BRPF3: variants seen among roughly 807,000 people sequenced by gnomAD.
BRPF3 encodes the protein bromodomain and PHD finger-containing protein 3.
In BRPF3, 18 loss-of-function variants were observed where a neutral mutation model predicts 102.0. The observed-to-expected ratio is 0.18, with a 90% confidence interval of 0.12 to 0.26. The LOEUF (loss-of-function observed/expected upper bound fraction) is 0.26. BRPF3 is among the 10% of genes least tolerant of loss of function. The probability of loss-of-function intolerance (pLI) is 1.00; values close to 1 mark genes in which losing one functional copy is unlikely to be tolerated. For synonymous variants in BRPF3, 570 were observed against 614.2 expected, an observed-to-expected ratio of 0.93 and a Z score of 1.06; for missense variants, 1,147 against 1,567.8, an observed-to-expected ratio of 0.73 and a Z score of 4.53.
At chr6:36,206,302 G>T (rs1003613746) in intron 3 of BRPF3, among the ~76,000 whole-genome samples, 3 of 152,184 alleles carry the variant, frequency 2.0e-5, no homozygotes, top group Non-Finnish European at 4.4e-5. Flanking sequence ...GTGGGGATCT[G>T]TCCTTTGGGG....
rs1554127058 is a variant in BRPF3 at position 36,196,813 on chromosome 6, C to G, written c.-184C>G. 2.0e-5 allele frequency: 3 copies of G among 151,878 alleles called. No homozygotes were observed. Among genetic ancestry groups the G allele is most frequent in the Non-Finnish European group, 4.4e-5 (3 of 68,408 alleles). 9.4% of individuals were successfully genotyped at this position (151,878 alleles called of 1,614,324 possible). ...CCGGGAGCGGCGGCGGCGGCCGGGC[C>G]GGGGCCCCAGCGCGGGCCGGGAGGG... is the stretch of plus-strand genomic sequence containing the variant. On this transcript the variant is annotated 5_prime_UTR_variant, in exon 1 of 13. Transcript: ENST00000357641.
At chr6:36,211,737 A>G (rs1468858743) in intron 7 of BRPF3, among the ~76,000 whole-genome samples, 177 bp downstream of exon 7, 1 of 152,224 alleles carries the variant, frequency 6.6e-6, no homozygotes. Context: ...CAAAATATTT[A>G]ACAATCACTA....
chr6:36,214,139 C>G lies in BRPF3; in HGVS notation c.2742C>G (p.Thr914=), dbSNP rs371575181. 86 of 1,614,090 alleles carry G rather than the reference C, an allele frequency of 5.3e-5. No homozygotes were observed. Among genetic ancestry groups the G allele is most frequent in the Non-Finnish European group, 3.1e-5 (37 of 1,180,050 alleles). ...GACTATCCCTCATGGCCCCTGACAC[C>G]CCGGCCGGTACCCCACTTAGTGGTG... ...INRLSLMAPD[T]PAGTPLSGVG... Residue 914 remains threonine (T), a synonymous_variant, in exon 8 of 13, where the codon ACC becomes ACG. Transcript: ENST00000357641.
In BRPF3 at chr6:36,214,371, C is replaced by G; in HGVS notation, c.2974C>G (p.Gln992Glu). 1 of 1,583,810 alleles carries G rather than the reference C, an allele frequency of 6.3e-7. No individual in the cohort carries two copies. Among genetic ancestry groups the G allele is most frequent in the Admixed American group, 1.8e-5 (1 of 56,292 alleles). Residue 992 changes from glutamine (Q) to glutamate (E), a missense_variant, in exon 8 of 13, where the codon CAG becomes GAG. Physicochemically the swap from Gln to Glu is conservative, Grantham distance 29. Transcript: ENST00000357641. ...GAGCGAAGGGGAGAGGTCCCCCCAG[C>G]AGGAGGAAGAGACAGGTGACCCTGC... ...SESEGERSPQ[Q>E]EEETGMTNGF...
chr6:36,204,223 G>T (rs1486525200), intron 2 of BRPF3, among the ~76,000 whole-genome samples: 1 of 152,156 alleles, frequency 6.6e-6, no homozygotes, highest in Non-Finnish European at 1.5e-5. Flanking sequence ...GCTACCCCCT[G>T]GTTTGATGGG....
rs899606488 is a variant in BRPF3 at position 36,196,838 on chromosome 6, G to C, written c.-159G>C. 4.6e-5 allele frequency: 7 copies of C among 151,746 alleles called. No homozygotes were observed. The East Asian group carries it at 1.4e-3, about 30-fold the overall frequency. The allele number at this position is 151,746 out of a possible 1,614,324, so 9.4% of individuals were successfully genotyped here. A position where few individuals can be genotyped will look rare whatever the true frequency, so the allele number is the denominator to read the frequency against. Reference sequence around the variant, plus strand: ...CGGGGCCCCAGCGCGGGCCGGGAGGGGGCACGGCGGAGGCCACGGAGGCAG... The same window carrying C: ...CGGGGCCCCAGCGCGGGCCGGGAGGCGGCACGGCGGAGGCCACGGAGGCAG... On this transcript the variant is annotated 5_prime_UTR_variant, in exon 1 of 13. Coordinates refer to ENST00000357641, the MANE Select transcript of BRPF3 (RefSeq NM_015695.3).
intron 9 of BRPF3, 44 bp from the exon 10 acceptor site, chr6:36,222,124 T>C (rs1464012088): frequency 2.6e-6 from 4 of 1,534,506 alleles, no homozygotes; most frequent in African/African-American, 1.4e-5. Flanking sequence ...GTTTTAGTCA[T>C]TGAAATTGCT....
At chr6:36,220,994 T>G (rs1025947901) in intron 9 of BRPF3, among the ~76,000 whole-genome samples, 3 of 152,226 alleles carry the variant, frequency 2.0e-5, no homozygotes, top group African/African-American at 7.2e-5. Flanking sequence ...ATTGATGACC[T>G]ATTCTTTAAG....
rs1442029620 is a variant in BRPF3, at chr6:36,211,347, G to A, written c.2269G>A (p.Ala757Thr). 3.7e-6 allele frequency: 6 copies of A among 1,614,238 alleles called. No homozygotes were observed. The highest frequency in any genetic ancestry group is 4.5e-5 in the East Asian group (2 of 44,890). Residue 757 changes from alanine (A) to threonine (T), a missense_variant, in exon 7 of 13, where the codon GCC (alanine) becomes ACC (threonine). Transcript: ENST00000357641. ...GCTGGAGAAACTGGACCTGGTGAGC[G>A]CCATGCGGTCCAGTGGGGCCCGCAC... ...ELLEKLDLVS[A>T]MRSSGARTRR...
rs1201636262 is a variant in BRPF3 at position 36,204,740 on chromosome 6, C to T, written c.1531C>T (p.Arg511Trp). ...QRLHNYWLLK[R>W]QARNGVPLIR... ...GCTTCACAATTATTGGCTGTTGAAG[C>T]GGCAGGCACGGAATGGTGTCCCTCT... Residue 511 changes from arginine (R) to tryptophan (W), a missense_variant, in exon 3 of 13, where the codon CGG becomes TGG. Transcript: ENST00000357641. 6.2e-7 allele frequency: 1 copy of T among 1,614,068 alleles called. No homozygotes were observed. The highest frequency in any genetic ancestry group is 1.3e-5 in the African/African-American group (1 of 74,930).
chr6:36,226,274 G>A (rs753034781), intron 11 of BRPF3, among the ~76,000 whole-genome samples: 1 of 152,164 alleles, frequency 6.6e-6, no homozygotes, highest in Non-Finnish European at 1.5e-5. Context: ...GTTCATTTTG[G>A]TTTATACTCA....
At position 36,217,894 on chromosome 6, in the gene BRPF3, C is replaced by T. The variant is rs368912733; in HGVS notation, c.2990-23C>T. 2.7e-5 allele frequency: 43 copies of T among 1,608,364 alleles called. No homozygotes were observed. The African/African-American group carries it at 3.5e-4, about 13-fold the overall frequency. On this transcript the variant is annotated intron_variant, in intron 8 of 12. Transcript: ENST00000357641. ...GGGAAGGGGGATTTCTGCACTCAGA[C>T]TCACTGTGTGTGTCCTTGGCAGGCA...
chr6:36,211,712 C>T (rs1015665106), intron 7 of BRPF3, 152 bp downstream of exon 7: 9 of 852,808 alleles, frequency 1.1e-5, no homozygotes, highest in African/African-American at 5.1e-5. Context: ...TCCATGTATA[C>T]GCAGGGATGA....
Position 36,207,584 on chromosome 6 carries a change from G to A in BRPF3, c.1737+140G>A, listed in dbSNP as rs991916978. On this transcript the variant is annotated intron_variant, in intron 4 of 12. Coordinates refer to ENST00000357641, the MANE Select transcript of BRPF3 (RefSeq NM_015695.3). ...CCCTACCCAGGATTGTAGGCTCCAA[G>A]ATCTGCCTACTTTGTATTAGATGTG... 2.5e-6 allele frequency: 3 copies of A among 1,188,846 alleles called. No homozygotes were observed. In the African/African-American group the frequency reaches 4.7e-5, roughly 18 times the overall value. 73.6% of individuals were successfully genotyped at this position (1,188,846 alleles called of 1,614,324 possible). A position where few individuals can be genotyped will look rare whatever the true frequency, so the allele number is the denominator to read the frequency against.
In BRPF3 at chr6:36,230,604, C is replaced by T. The variant is rs1768906760; in HGVS notation, c.3613C>T (p.Leu1205=). Residue 1205 remains leucine, a synonymous_variant, in exon 13 of 13, where the codon CTG becomes TTG. Transcript: ENST00000357641. This position sits in a 1 kb window ranked among gnomAD's most constrained non-coding sequence, Gnocchi z 5.4. ...CCACTCCTTCGTCACTTCCAGCTAC[C>T]TGTAAGGGCAGGGCTGGGCCTGCAT... ...GPHSFVTSSY[L] The T allele has an allele frequency of 1.9e-6, 3 of 1,608,020 alleles. No individual in the cohort carries two copies. Among genetic ancestry groups the T allele is most frequent in the Non-Finnish European group, 2.5e-6 (3 of 1,177,918 alleles).
intron 10 of BRPF3, among the ~76,000 whole-genome samples, chr6:36,224,449 T>C (rs2032506): frequency 0.9 from 137,618 of 152,252 alleles, 62,335 homozygotes; most frequent in East Asian, 0.97. Flanking sequence ...CAGTGCCTGC[T>C]CCAGGGATAC....
chr6:36,212,573 A>G (rs1214255410), intron 7 of BRPF3, among the ~76,000 whole-genome samples: 30 of 132,286 alleles, frequency 2.3e-4, no homozygotes, highest in African/African-American at 4.5e-4. Flanking sequence ...CATCACCTAG[A>G]AAAAAAAAAA....
rs753033654 is a variant in BRPF3, at chr6:36,204,806, G to A, written c.1597G>A (p.Ala533Thr). ...LHSHLQSQRN[A>T]EQREQDEKTS... is the part of the protein sequence containing the mutation. ...CTCCCATCTGCAGTCCCAAAGAAAC[G>A]CTGAGCAGGTAGGTGCAGTGGTGAT... Residue 533 changes from alanine (A) to threonine (T), a missense_variant, in exon 3 of 13, where the codon GCT (alanine) becomes ACT (threonine). Ala to Thr is a moderately conservative substitution (Grantham distance 58). Coordinates refer to ENST00000357641, the MANE Select transcript of BRPF3 (RefSeq NM_015695.3). 1.8e-5 allele frequency: 29 copies of A among 1,613,878 alleles called. No individual in the cohort carries two copies. Among genetic ancestry groups the A allele is most frequent in the Non-Finnish European group, 2.1e-5 (25 of 1,179,896 alleles).
Position 36,218,021 on chromosome 6 carries a change from A to G in BRPF3, c.3083+11A>G, listed in dbSNP as rs748646708. The stretch of plus-strand genomic sequence containing the variant: ...ATTTGAAGCTTGCAGGTAAGAACAC[A>G]TTCCCAAAGCTTTGTCAGCAGCTCT... On this transcript the variant is annotated intron_variant, in intron 9 of 12. Transcript: ENST00000357641. The G allele has an allele frequency of 3.7e-6, 6 of 1,608,358 alleles. No homozygotes were observed. The highest frequency in any genetic ancestry group is 3.3e-5 in the South Asian group (3 of 90,452).
Sources: gnomAD v4.1 joint callset for allele counts (sites outside exome capture counted in the v4.1 genomes callset) on GRCh38, gnomAD v4.1.1 for gene constraint, Gnocchi (gnomAD v3.1) non-coding constraint, MANE v1.5 for transcripts, NCBI Gene and HGNC (gene_info 2026-07-23, HGNC 2026-07-21) for gene names.